Variants in SLC1A4 observed in about 807,000 individuals in gnomAD.
SLC1A4 encodes the protein solute carrier family 1 member 4, also known as neutral amino acid transporter A.
SLC1A4 carries 19 observed loss-of-function variants against 37.7 expected under a neutral mutation model. The observed-to-expected ratio is 0.50, with a 90% CI of 0.35 to 0.74. SLC1A4 has a LOEUF of 0.74. SLC1A4 is among the 30% of genes least tolerant of loss of function. SLC1A4 has a pLI of 0.01. For missense variants in SLC1A4, 570 were observed against 712.9 expected, an observed-to-expected ratio of 0.80 and a Z score of 2.28; for synonymous variants, 299 against 309.8, an observed-to-expected ratio of 0.97 and a Z score of 0.37.
chr2:65,019,742 G>A (rs772673608), intron 7 of SLC1A4, among the ~76,000 whole-genome samples: 37 of 152,200 alleles, frequency 2.4e-4, no homozygotes, highest in Non-Finnish European at 4.7e-4. Flanking sequence ...AGCTGGACAG[G>A]ACCAGAGCTG....
Position 65,017,716 on chromosome 2 carries a change from A to G in SLC1A4, c.1035-355A>G, listed in dbSNP as rs1462702510. Reference sequence around the variant, plus strand: ...TCATAGTTTACCATTTACTTTTGGGAGGGGAACACTCAAGAGAGGAGATGC... The same window carrying G: ...TCATAGTTTACCATTTACTTTTGGGGGGGGAACACTCAAGAGAGGAGATGC... On this transcript the variant is annotated intron_variant, in intron 5 of 7. Coordinates refer to ENST00000234256, the MANE Select transcript of SLC1A4 (RefSeq NM_003038.5). Among the ~76,000 whole-genome samples the G allele has an allele frequency of 4.1e-5, 6 of 145,920 alleles. No homozygotes were observed. The East Asian group carries it at 1.2e-3, about 28-fold the overall frequency.
At chr2:64,993,549 G>C (rs914759796) in intron 1 of SLC1A4, among the ~76,000 whole-genome samples, 6 of 152,136 alleles carry the variant, frequency 3.9e-5, no homozygotes, top group African/African-American at 1.4e-4. Context: ...TGAGCAGCCC[G>C]GAGTTCTGTG....
rs200356399 is a variant in SLC1A4, at chr2:65,010,668, G to T, written c.705G>T (p.Val235=). 47 of 1,614,090 alleles carry T rather than the reference G, an allele frequency of 2.9e-5. No individual in the cohort carries two copies. Among genetic ancestry groups the T allele is most frequent in the Admixed American group, 8.3e-5 (5 of 60,014 alleles). Residue 235 remains valine (V), a synonymous_variant, in exon 4 of 8, where the codon GTG becomes GTT. Coordinates refer to ENST00000234256, the MANE Select transcript of SLC1A4 (RefSeq NM_003038.5). ...GLVLFALVLG[V]ALKKLGSEGE... is the part of the protein sequence containing the mutation. The stretch of plus-strand genomic sequence containing the variant: ...TCCTGTTTGCTCTGGTGTTAGGAGT[G>T]GCCTTAAAGAAACTAGGCTCCGAAG...
At chr2:65,014,427 T>G (rs1674044434) in intron 4 of SLC1A4, among the ~76,000 whole-genome samples, 1 of 152,108 alleles carries the variant, frequency 6.6e-6, no homozygotes, top group African/African-American at 2.4e-5. Context: ...ATGGTGAGGG[T>G]GAGGTTTCTC....
chr2:64,995,689 G>C (rs561697689), intron 1 of SLC1A4, among the ~76,000 whole-genome samples: 1 of 152,282 alleles, frequency 6.6e-6, no homozygotes, highest in South Asian at 2.1e-4. Flanking sequence ...TATTTATCAG[G>C]TGTACATACC....
intron 2 of SLC1A4, among the ~76,000 whole-genome samples, chr2:65,001,888 C>T (rs1439556075): frequency 6.6e-6 from 1 of 152,038 alleles, no homozygotes; most frequent in Non-Finnish European, 1.5e-5. Context: ...TGTCAGAAAA[C>T]AAAAATCATC....
chr2:64,999,304 CTCTAAAT>C (rs1188311291), intron 1 of SLC1A4: 3 of 152,162 alleles, frequency 2.0e-5, no homozygotes, highest in Non-Finnish European at 1.5e-5. Context: ...CTCTGGTATT[CTCTAAAT>C]ATGCTAAAAG....
At position 65,018,958 on chromosome 2, in the gene SLC1A4, C is replaced by T. The variant is rs923043193; in HGVS notation, c.1364+279C>T. 2.0e-5 allele frequency among the ~76,000 whole-genome samples: 3 copies of T among 152,194 alleles called. No individual in the cohort carries two copies. Among genetic ancestry groups the T allele is most frequent in the African/African-American group, 7.2e-5 (3 of 41,446 alleles). ...AGGGGTCCACAGCTGAGGCCCTCAG[C>T]GCAGGCCCAAGGGACACGAGGGTCT... On this transcript the variant is annotated intron_variant, in intron 7 of 7. Coordinates refer to ENST00000234256, the MANE Select transcript of SLC1A4 (RefSeq NM_003038.5). The surrounding 1 kb of genome is among the most constrained non-coding windows in gnomAD (Gnocchi z 4.3).
At position 65,018,505 on chromosome 2, in the gene SLC1A4, G is replaced by A. The variant is rs745574899; in HGVS notation, c.1230-40G>A. The A allele has an allele frequency of 2.1e-5, 33 of 1,609,412 alleles. No individual in the cohort carries two copies. The highest frequency in any genetic ancestry group is 2.0e-4 in the East Asian group (9 of 44,826). ...CTGCATTTCTCTGTGTCCACTCCAC[G>A]CTCTATGTTAATGGCTGGCCCTGCT... On this transcript the variant is annotated intron_variant, in intron 6 of 7. Coordinates refer to ENST00000234256, the MANE Select transcript of SLC1A4 (RefSeq NM_003038.5). This position sits in a 1 kb window ranked among gnomAD's most constrained non-coding sequence, Gnocchi z 4.3.
chr2:65,018,054 G>C lies in SLC1A4; in HGVS notation c.1035-17G>C. 1 of 1,609,772 alleles carries C rather than the reference G, an allele frequency of 6.2e-7. No homozygotes were observed. The highest frequency in any genetic ancestry group is 8.5e-7 in the Non-Finnish European group (1 of 1,176,878). The stretch of plus-strand genomic sequence containing the variant: ...GGACTGTTGTCATGTCTGGCGGTTT[G>C]TTTTTCCCATTTCTAGCTCAGCGAC... On this transcript the variant is annotated splice_polypyrimidine_tract_variant and intron_variant, in intron 5 of 7. Transcript: ENST00000234256. The surrounding 1 kb of genome is among the most constrained non-coding windows in gnomAD (Gnocchi z 4.3).
chr2:64,998,419 CAAAA>C (rs781241996), intron 1 of SLC1A4, among the ~76,000 whole-genome samples: 2 of 85,964 alleles, frequency 2.3e-5, no homozygotes, highest in Admixed American at 1.2e-4. Context: ...ACTCTGTCTC[CAAAA>C]AAAAAAAAAA....
rs1200555968 is a variant in SLC1A4 at position 65,021,650 on chromosome 2, A to C, written c.*504A>C. Reference sequence around the variant, plus strand: ...GCTGAGCTGGGACTCAGGTGTTTAAAGAGTTTGTGCTATAGCTAGGTGTGG... The same window carrying C: ...GCTGAGCTGGGACTCAGGTGTTTAACGAGTTTGTGCTATAGCTAGGTGTGG... On this transcript the variant is annotated 3_prime_UTR_variant, in exon 8 of 8. Coordinates refer to ENST00000234256, the MANE Select transcript of SLC1A4 (RefSeq NM_003038.5). 6.2e-6 allele frequency: 1 copy of C among 160,282 alleles called. No individual in the cohort carries two copies. Among genetic ancestry groups the C allele is most frequent in the East Asian group, 1.8e-4 (1 of 5,434 alleles). The allele number at this position is 160,282 out of a possible 1,614,324, so 9.9% of individuals were successfully genotyped here.
chr2:65,020,884 T>C (rs972403978), intron 7 of SLC1A4, 28 bp from the exon 8 acceptor site: 1 of 1,593,660 alleles, frequency 6.3e-7, no homozygotes. Flanking sequence ...GCAGTAGATA[T>C]AATAGCTGCC....
rs2103665236 is a variant in SLC1A4 at position 65,010,853 on chromosome 2, G to A, written c.800+90G>A. Reference sequence around the variant, plus strand: ...TTGCTGTTCTAGGTACCTGTGTGGGGCCACCTGGCACAATGCTGTGTATGT... The same window carrying A: ...TTGCTGTTCTAGGTACCTGTGTGGGACCACCTGGCACAATGCTGTGTATGT... On this transcript the variant is annotated intron_variant, in intron 4 of 7. Transcript: ENST00000234256. 4.5e-6 allele frequency: 6 copies of A among 1,324,572 alleles called. No homozygotes were observed. The South Asian group carries it at 8.3e-5, about 18-fold the overall frequency. The allele number at this position is 1,324,572 out of a possible 1,614,324, so 82.1% of individuals were successfully genotyped here. A position where few individuals can be genotyped will look rare whatever the true frequency, so the allele number is the denominator to read the frequency against.
intron 5 of SLC1A4, among the ~76,000 whole-genome samples, 153 bp downstream of exon 5, chr2:65,016,826 T>G (rs1019550713): frequency 2.0e-5 from 3 of 152,206 alleles, no homozygotes; most frequent in Non-Finnish European, 4.4e-5. Context: ...TTTTCTTCTT[T>G]AAGAGACAGG....
In SLC1A4 at chr2:65,018,730, A is replaced by G; in HGVS notation, c.1364+51A>G. 1 of 1,606,032 alleles carries G rather than the reference A, an allele frequency of 6.2e-7. No homozygotes were observed. Among genetic ancestry groups the G allele is most frequent in the Non-Finnish European group, 8.5e-7 (1 of 1,175,810 alleles). ...AAAAAGAGTCTGCACTGAGTTCCCTAGGAGCTTAGCACTGCTGGGCCTGGG... is the reference window on the plus strand; with the variant it reads ...AAAAAGAGTCTGCACTGAGTTCCCTGGGAGCTTAGCACTGCTGGGCCTGGG... On this transcript the variant is annotated intron_variant, in intron 7 of 7. Transcript: ENST00000234256. The surrounding 1 kb of genome is among the most constrained non-coding windows in gnomAD (Gnocchi z 4.3).
chr2:65,010,497 T>C (rs1460550720), intron 3 of SLC1A4, 100 bp from the exon 4 acceptor site: 11 of 969,830 alleles, frequency 1.1e-5, no homozygotes, highest in African/African-American at 1.7e-5. Flanking sequence ...TTTTTCTCGT[T>C]CTGGGTACAG....
In SLC1A4 at chr2:65,003,743, G is replaced by A. The variant is rs188476718; in HGVS notation, c.571-210G>A. 4.6e-5 allele frequency among the ~76,000 whole-genome samples: 7 copies of A among 152,276 alleles called. No individual in the cohort carries two copies. In the East Asian group the frequency reaches 1.4e-3, roughly 29 times the overall value. ...TTTCCTTGGGACACTAAGCAACCCA[G>A]AGACCTCTTGAAGTATCTGCTGACT... is the stretch of plus-strand genomic sequence containing the variant. On this transcript the variant is annotated intron_variant, in intron 2 of 7. Transcript: ENST00000234256.
intron 3 of SLC1A4, among the ~76,000 whole-genome samples, chr2:65,004,585 C>T (rs1673605463): frequency 6.6e-6 from 1 of 151,616 alleles, no homozygotes; most frequent in Non-Finnish European, 1.5e-5. Flanking sequence ...TGTGCCTGGC[C>T]CCAGAAAACA....
Sources: allele counts gnomAD v4.1 joint callset (sites outside exome capture counted in the v4.1 genomes callset), GRCh38; gene constraint gnomAD v4.1.1; non-coding constraint Gnocchi (gnomAD v3.1); transcripts MANE v1.5; gene names NCBI Gene and HGNC (gene_info 2026-07-23, HGNC 2026-07-21).